PAM: variants seen among roughly 807,000 people sequenced by gnomAD.
The protein encoded by PAM is peptidyl-glycine alpha-amidating monooxygenase.
PAM carries 72 observed loss-of-function variants against 122.1 expected under a neutral mutation model. The observed-to-expected ratio is 0.59, with a 90% CI of 0.49 to 0.72. The LOEUF (loss-of-function observed/expected upper bound fraction) is 0.72. Ranked by LOEUF, PAM falls within the 30% of genes least tolerant of loss-of-function variation. The pLI, the probability that PAM is intolerant of heterozygous loss-of-function variation, is 0.00. For missense variants in PAM, 1,106 were observed against 1,183.7 expected (o/e 0.93, Z 0.96); for synonymous variants, 389 against 404.4 (o/e 0.96, Z 0.46).
chr5:102,963,965 T>C (rs1406634855), intron 14 of PAM, among the ~76,000 whole-genome samples: 1 of 151,060 alleles, frequency 6.6e-6, no homozygotes, highest in Non-Finnish European at 1.5e-5. Flanking sequence ...ATAAATGTTA[T>C]GTTAGAAAGA....
intron 1 of PAM, among the ~76,000 whole-genome samples, chr5:102,780,753 C>CTCTTTCTTTCTTTCTTTCTTTCTT (rs59409455): frequency 1.3e-5 from 1 of 74,558 alleles, no homozygotes; most frequent in Non-Finnish European, 2.7e-5. Context: ...TTCTTTCTTT[C>CTCTTTCTTTCTTTCTTTCTTTCTT]TCTTTCTTTC....
At chr5:103,028,743 C>T (rs1785723255) in intron 25 of PAM, 144 bp from the exon 26 acceptor site, 2 of 598,214 alleles carry the variant, frequency 3.3e-6, no homozygotes, top group Admixed American at 6.3e-5. Flanking sequence ...GGATACGTCT[C>T]TGTCTGTTTT....
At chr5:102,805,284 G>A (rs570873123) in intron 1 of PAM, among the ~76,000 whole-genome samples, 2 of 152,010 alleles carry the variant, frequency 1.3e-5, no homozygotes, top group South Asian at 2.1e-4. Context: ...TGGCCAGGCT[G>A]GTCTTGAACT....
chr5:102,843,731 T>C (rs191958666), intron 1 of PAM, among the ~76,000 whole-genome samples: 121 of 152,310 alleles, frequency 7.9e-4, no homozygotes, highest in African/African-American at 2.7e-3. Flanking sequence ...GAAAGATCTA[T>C]AGATGACACA....
intron 15 of PAM, among the ~76,000 whole-genome samples, chr5:102,977,506 C>T (rs1241718392): frequency 6.6e-6 from 1 of 151,858 alleles, no homozygotes; most frequent in African/African-American, 2.4e-5. Context: ...GATCTGAAAA[C>T]TCTGAACAAT....
chr5:102,863,557 CTTT>C (rs1203186671), intron 1 of PAM, among the ~76,000 whole-genome samples: 4 of 149,112 alleles, frequency 2.7e-5, no homozygotes, highest in African/African-American at 4.9e-5. Context: ...AGACTATATT[CTTT>C]TTTAGTTTTA....
intron 7 of PAM, among the ~76,000 whole-genome samples, chr5:102,933,533 G>C (rs1330033164): frequency 6.6e-6 from 1 of 152,224 alleles, no homozygotes; most frequent in Non-Finnish European, 1.5e-5. Flanking sequence ...AACACAGGGT[G>C]TGCATCTGTG....
At position 103,025,114 on chromosome 5, in the gene PAM, C is replaced by A. The variant is rs745743102; in HGVS notation, c.2486-17C>A. On this transcript the variant is annotated splice_polypyrimidine_tract_variant and intron_variant, in intron 23 of 25. Transcript: ENST00000438793. Reference sequence around the variant, plus strand: ...CTTTGAGTCAGTTGAATATTGTGAACTCTTCTTTCCCTGAAGAAGCCGAGG... The same window carrying A: ...CTTTGAGTCAGTTGAATATTGTGAAATCTTCTTTCCCTGAAGAAGCCGAGG... The A allele has an allele frequency of 1.3e-6, 2 of 1,588,744 alleles. No homozygotes were observed. Among genetic ancestry groups the A allele is most frequent in the Non-Finnish European group, 1.7e-6 (2 of 1,157,466 alleles).
intron 1 of PAM, among the ~76,000 whole-genome samples, chr5:102,860,050 ACT>A (rs1439939995): frequency 1.3e-5 from 2 of 151,490 alleles, no homozygotes; most frequent in African/African-American, 4.9e-5. Context: ...GTGACACACG[ACT>A]CTCTATATGT....
chr5:102,794,591 ATAGT>A (rs1762880526), intron 1 of PAM, among the ~76,000 whole-genome samples: 1 of 152,190 alleles, frequency 6.6e-6, no homozygotes, highest in African/African-American at 2.4e-5. Flanking sequence ...AAAACTGAAG[ATAGT>A]TTGATTCAAT....
intron 4 of PAM, among the ~76,000 whole-genome samples, chr5:102,910,798 A>G (rs1010389200): frequency 6.6e-6 from 1 of 151,878 alleles, no homozygotes. Flanking sequence ...TCTTTGGTGT[A>G]TGATGGGTGA....
intron 14 of PAM, among the ~76,000 whole-genome samples, chr5:102,963,301 G>C (rs1337112958): frequency 6.6e-6 from 1 of 151,932 alleles, no homozygotes; most frequent in African/African-American, 2.4e-5. Flanking sequence ...AACACATAGG[G>C]CAAATCTCAT....
chr5:102,805,306 G>T (rs1765929568), intron 1 of PAM, among the ~76,000 whole-genome samples: 2 of 152,042 alleles, frequency 1.3e-5, no homozygotes. Flanking sequence ...CTGACCTCAT[G>T]ATCTGCTCGC....
At chr5:102,989,123 A>G (rs1213756735) in intron 15 of PAM, among the ~76,000 whole-genome samples, 1 of 152,198 alleles carries the variant, frequency 6.6e-6, no homozygotes, top group Non-Finnish European at 1.5e-5. Flanking sequence ...AATAGCTTTC[A>G]TAGTCATCTT....
At chr5:102,925,103 C>T in intron 6 of PAM, 61 bp downstream of exon 6, 1 of 858,362 alleles carries the variant, frequency 1.2e-6, no homozygotes, top group Non-Finnish European at 2.0e-6. Context: ...TTCCAAAGTA[C>T]TTTTCATTAT....
At chr5:102,927,398 T>G (rs1329844881) in intron 7 of PAM, among the ~76,000 whole-genome samples, 1 of 152,228 alleles carries the variant, frequency 6.6e-6, no homozygotes, top group Admixed American at 6.5e-5. Context: ...GTGTAAATAT[T>G]AAGATTTCTC....
chr5:103,006,666 A>G, intron 18 of PAM, 135 bp from the exon 19 acceptor site: 2 of 651,044 alleles, frequency 3.1e-6, no homozygotes, highest in Non-Finnish European at 5.5e-6. Flanking sequence ...AGTTCTAACA[A>G]GTATTAATAC....
At chr5:102,951,229 G>A (rs959512613) in intron 12 of PAM, among the ~76,000 whole-genome samples, 3 of 151,738 alleles carry the variant, frequency 2.0e-5, no homozygotes, top group African/African-American at 7.3e-5. Context: ...TAAAACTCTC[G>A]TGAATTTAAT....
At chr5:102,798,345 G>A (rs1763885642) in intron 1 of PAM, among the ~76,000 whole-genome samples, 1 of 152,190 alleles carries the variant, frequency 6.6e-6, no homozygotes, top group Non-Finnish European at 1.5e-5. Flanking sequence ...GAGGAATATT[G>A]TTTGTGAGCT....
Sources: allele counts gnomAD v4.1 joint callset (sites outside exome capture counted in the v4.1 genomes callset), GRCh38; gene constraint gnomAD v4.1.1; transcripts MANE v1.5; gene names NCBI Gene and HGNC (gene_info 2026-07-23, HGNC 2026-07-21).